Variants in MAD1L1 observed in about 807,000 individuals in gnomAD.
MAD1L1 encodes the protein mitotic spindle assembly checkpoint protein MAD1.
A neutral mutation model predicts 96.9 loss-of-function variants in MAD1L1; 95 were observed. That is an observed-to-expected ratio of 0.98 (90% CI 0.83 to 1.16). The LOEUF is 1.16. MAD1L1 is among the 50% of genes most tolerant of loss of function. The pLI is 0.00. For synonymous variants in MAD1L1, 473 were observed against 396.6 expected (o/e 1.19, Z -2.29); for missense variants, 1,007 against 954.4 (o/e 1.06, Z -0.73).
intron 18 of MAD1L1, among the ~76,000 whole-genome samples, chr7:1,873,878 A>G (rs563080803): frequency 1.3e-5 from 2 of 152,282 alleles, no homozygotes; most frequent in East Asian, 3.9e-4. Flanking sequence ...CCGTGGCTGA[A>G]CGAGAATGGA....
chr7:1,978,724 G>A (rs910639124), intron 15 of MAD1L1, among the ~76,000 whole-genome samples: 2 of 152,144 alleles, frequency 1.3e-5, no homozygotes, highest in African/African-American at 2.4e-5. Context: ...CTCACAGGCT[G>A]TAACGACAGA....
intron 12 of MAD1L1, among the ~76,000 whole-genome samples, chr7:2,019,173 T>C (rs555178691): frequency 6.6e-6 from 1 of 151,964 alleles, no homozygotes; most frequent in South Asian, 2.1e-4. Context: ...GCCCACTCTT[T>C]CCCCAGACCC....
intron 10 of MAD1L1, among the ~76,000 whole-genome samples, chr7:2,167,323 G>A (rs1027152744): frequency 1.2e-4 from 18 of 152,116 alleles, no homozygotes; most frequent in Non-Finnish European, 1.6e-4. Flanking sequence ...TGAGGCGGGC[G>A]GATCACGAGC....
chr7:1,983,418 T>C (rs1372977216), intron 14 of MAD1L1, among the ~76,000 whole-genome samples: 2 of 152,254 alleles, frequency 1.3e-5, no homozygotes, highest in African/African-American at 4.8e-5. Flanking sequence ...TTTTCTACAG[T>C]AATTGATCTG....
intron 5 of MAD1L1, chr7:2,221,015 T>A: frequency 6.2e-7 from 1 of 1,612,108 alleles, no homozygotes; most frequent in Non-Finnish European, 8.5e-7. Flanking sequence ...AGCGTGACAA[T>A]CAGGACCCTG....
intron 18 of MAD1L1, among the ~76,000 whole-genome samples, chr7:1,881,631 C>A (rs1189343609): frequency 1.3e-5 from 2 of 152,178 alleles, no homozygotes; most frequent in African/African-American, 4.8e-5. Context: ...CCATTAAACA[C>A]CATCATCGAG....
At chr7:1,981,784 G>C (rs1350304361) in intron 14 of MAD1L1, among the ~76,000 whole-genome samples, 1 of 152,272 alleles carries the variant, frequency 6.6e-6, no homozygotes, top group Non-Finnish European at 1.5e-5. Flanking sequence ...AGGAGCCTGG[G>C]AAAAAAGGCA....
intron 16 of MAD1L1, among the ~76,000 whole-genome samples, chr7:1,948,407 G>A (rs1327894915): frequency 3.3e-5 from 5 of 152,278 alleles, no homozygotes; most frequent in Non-Finnish European, 5.9e-5. Flanking sequence ...GGGCCTGAGG[G>A]AGGGGCCGCA....
At chr7:1,826,785 A>G (rs1362963030) in intron 18 of MAD1L1, among the ~76,000 whole-genome samples, 3 of 152,258 alleles carry the variant, frequency 2.0e-5, no homozygotes, top group Non-Finnish European at 4.4e-5. Context: ...AAAATAGCTC[A>G]GCCAATTATT....
At chr7:2,085,635 C>T (rs964667787) in intron 11 of MAD1L1, among the ~76,000 whole-genome samples, 1 of 144,630 alleles carries the variant, frequency 6.9e-6, no homozygotes, top group Non-Finnish European at 1.6e-5. Context: ...CAAGGCCAGT[C>T]CCTGCTGCAG....
At chr7:2,128,680 T>A (rs779549102) in intron 11 of MAD1L1, among the ~76,000 whole-genome samples, 62 of 152,148 alleles carry the variant, frequency 4.1e-4, no homozygotes, top group Non-Finnish European at 7.6e-4. Flanking sequence ...GCCTTGGCCA[T>A]TGCAGGGATC....
chr7:1,990,113 C>A (rs959590052), intron 14 of MAD1L1, among the ~76,000 whole-genome samples: 1 of 152,230 alleles, frequency 6.6e-6, no homozygotes, highest in South Asian at 2.1e-4. Flanking sequence ...CATGCGCGTG[C>A]ACCCGCCGCC....
In MAD1L1 at chr7:2,090,623, C is replaced by T. The variant is rs188957526; in HGVS notation, c.1074-21285G>A. On this transcript the variant is annotated intron_variant, in intron 11 of 18. Transcript: ENST00000265854. ...CCTGAGTCTCCTCTCATTTGTCAGC[C>T]TTTCCTTGTTTCTCATGGACTTGGC... Among the ~76,000 whole-genome samples the T allele has an allele frequency of 2.1e-4, 32 of 152,352 alleles. No homozygotes were observed. In the East Asian group the frequency reaches 5.6e-3, roughly 27 times the overall value.
At chr7:1,998,159 A>T (rs1240973888) in intron 14 of MAD1L1, among the ~76,000 whole-genome samples, 9 of 152,344 alleles carry the variant, frequency 5.9e-5, no homozygotes. Context: ...CCCCCTGACC[A>T]GAACCAGATA....
intron 10 of MAD1L1, 123 bp downstream of exon 10, chr7:2,213,089 G>T: frequency 1.0e-6 from 1 of 985,566 alleles, no homozygotes. Flanking sequence ...CAGGACAAAT[G>T]CCCCGCACCA....
At chr7:1,830,265 C>T (rs1782639397) in intron 18 of MAD1L1, among the ~76,000 whole-genome samples, 1 of 152,112 alleles carries the variant, frequency 6.6e-6, no homozygotes, top group Middle Eastern at 3.2e-3. Context: ...CGTGCAGTGG[C>T]ACATCCCTGT....
intron 11 of MAD1L1, chr7:2,079,698 C>G (rs748651482): frequency 1.0e-4 from 48 of 470,904 alleles, no homozygotes; most frequent in South Asian, 7.3e-4. Flanking sequence ...AGCTACCAAC[C>G]TGTAATCGCC....
intron 15 of MAD1L1, among the ~76,000 whole-genome samples, chr7:1,962,001 T>C (rs1450799216): frequency 6.6e-6 from 1 of 151,954 alleles, no homozygotes; most frequent in African/African-American, 2.4e-5. Context: ...TTCTCGTGTG[T>C]TGTGGGAGGC....
At chr7:1,886,499 C>T (rs900794746) in intron 18 of MAD1L1, among the ~76,000 whole-genome samples, 1 of 152,232 alleles carries the variant, frequency 6.6e-6, no homozygotes, top group African/African-American at 2.4e-5. Context: ...TGCATGGGCT[C>T]GGTGACAAGA....
Sources: gnomAD v4.1 joint callset for allele counts (sites outside exome capture counted in the v4.1 genomes callset) on GRCh38, gnomAD v4.1.1 for gene constraint, MANE v1.5 for transcripts, NCBI Gene and HGNC (gene_info 2026-07-23, HGNC 2026-07-21) for gene names.